Variants in MTERF4 observed in about 807,000 individuals in gnomAD.
The protein encoded by MTERF4 is transcription termination factor 4, mitochondrial.
In MTERF4, 17 loss-of-function variants were observed where a neutral mutation model predicts 22.5. The observed-to-expected ratio is 0.75, with a 90% CI of 0.52 to 1.13. MTERF4 has a LOEUF of 1.13. Ranked by LOEUF, MTERF4 falls within the 50% of genes most tolerant of loss-of-function variation. MTERF4 has a pLI of 0.00. For synonymous variants in MTERF4, 165 were observed against 175.3 expected (o/e 0.94, Z 0.47); for missense variants, 420 against 466.8 (o/e 0.90, Z 0.92).
intron 4 of MTERF4, among the ~76,000 whole-genome samples, chr2:241,078,382 C>CAAAAAAAAAAAA (rs60965517): frequency 8.6e-6 from 1 of 116,178 alleles, no homozygotes; most frequent in Non-Finnish European, 1.8e-5. Context: ...GACTCCGTCT[C>CAAAAAAAAAAAA]AAAAAAAAAA....
Position 241,096,481 on chromosome 2 carries a change from T to C in MTERF4, c.706-43A>G, listed in dbSNP as rs778108608. 1.2e-4 allele frequency: 190 copies of C among 1,593,724 alleles called. No homozygotes were observed. The highest frequency in any genetic ancestry group is 1.7e-4 in the Middle Eastern group (1 of 6,042). ...ACTTAGGAGTCCCAGATACAGAGTA[T>C]TGAAACCTATCATTCTATAAACCAT... is the stretch of plus-strand genomic sequence containing the variant. On this transcript the variant is annotated intron_variant, in intron 3 of 3. Coordinates refer to ENST00000391980, the MANE Select transcript of MTERF4 (RefSeq NM_182501.4). The surrounding 1 kb of genome is among the most constrained non-coding windows in gnomAD (Gnocchi z 5.1).
intron 4 of MTERF4, among the ~76,000 whole-genome samples, chr2:241,079,284 C>T (rs1224580163): frequency 1.3e-5 from 2 of 151,006 alleles, no homozygotes; most frequent in Non-Finnish European, 2.9e-5. Flanking sequence ...CAGTGGCAGG[C>T]GCCTGTAGTC....
chr2:241,084,739 T>C (rs1402035522), downstream of MTERF4, among the ~76,000 whole-genome samples: 2 of 152,224 alleles, frequency 1.3e-5, no homozygotes, highest in South Asian at 2.1e-4. Flanking sequence ...TTTTTGTAGA[T>C]CTAGGATTCC....
At chr2:241,071,714 C>G (rs534077572), downstream of MTERF4, 12 of 1,501,152 alleles carry the variant, frequency 8.0e-6, no homozygotes, top group Middle Eastern at 2.1e-4. Flanking sequence ...CCCACCCAGC[C>G]CCCCAGGTAC....
chr2:241,066,178 T>C, the MTERF4 span, among the ~76,000 whole-genome samples: 1 of 152,126 alleles, frequency 6.6e-6, no homozygotes, highest in South Asian at 2.1e-4. Context: ...GAGGGGGTCC[T>C]AGGAGGAGCC....
At chr2:241,043,827 A>G in the MTERF4 span, among the ~76,000 whole-genome samples, 22 of 152,244 alleles carry the variant, frequency 1.4e-4, no homozygotes, top group Admixed American at 1.4e-3. Flanking sequence ...GACAATATGT[A>G]AATGAATAGG....
At chr2:241,064,966 C>T in the MTERF4 span, 29 of 1,561,218 alleles carry the variant, frequency 1.9e-5, no homozygotes, top group Admixed American at 8.1e-5. The surrounding 1 kb of genome is among the most constrained non-coding windows in gnomAD (Gnocchi z 7.0). Context: ...AGGTGGGTGG[C>T]GAGGGCGCCT....
rs10171090 is a variant in MTERF4 at position 241,097,354 on chromosome 2, G to A, written c.594C>T (p.Val198=). The A allele has an allele frequency of 3.0e-3, 4,903 of 1,614,214 alleles. 128 individuals carry two copies. The African/African-American group carries it at 0.059, about 19-fold the overall frequency. Residue 198 remains valine, a synonymous_variant, in exon 3 of 4, where the codon GTC becomes GTT. Transcript: ENST00000391980. ...AAAGGCACTTCTCCTTGAGAAGCCT[G>A]ACAGTGTCGTTAATGTCCTGCTGGC... ...TMRQQDINDT[V]RLLKEKCLFT...
At chr2:241,052,268 G>C in the MTERF4 span, 1 of 1,436,652 alleles carries the variant, frequency 7.0e-7, no homozygotes, top group East Asian at 2.3e-5. Flanking sequence ...GCAGGAGGTG[G>C]AGCTGGGTGC....
At chr2:241,049,212 C>A in the MTERF4 span, 2 of 1,086,856 alleles carry the variant, frequency 1.8e-6, no homozygotes, top group Non-Finnish European at 2.7e-6. Flanking sequence ...ATGAGGCAGG[C>A]AGAGGCCAGA....
chr2:241,066,375 C>T, the MTERF4 span, among the ~76,000 whole-genome samples: 7 of 152,098 alleles, frequency 4.6e-5, no homozygotes, highest in African/African-American at 7.2e-5. Context: ...TGGCAGTGGA[C>T]GGACAGGGGC....
the MTERF4 span, chr2:241,064,263 A>T: frequency 1.6e-6 from 1 of 624,762 alleles, no homozygotes; most frequent in African/African-American, 2.0e-5. This position sits in a 1 kb window ranked among gnomAD's most constrained non-coding sequence, Gnocchi z 7.0. Context: ...CCGCCTTGGA[A>T]GTCCCCTTCT....
chr2:241,068,170 G>A (rs867002874), downstream of MTERF4, among the ~76,000 whole-genome samples: 1 of 152,220 alleles, frequency 6.6e-6, no homozygotes, highest in Admixed American at 6.5e-5. The surrounding 1 kb of genome is among the most constrained non-coding windows in gnomAD (Gnocchi z 5.3). Flanking sequence ...CACCTTGGTA[G>A]TGTTTTAAAG....
At chr2:241,100,698 CTTACT>C (rs2064664930) in intron 1 of MTERF4, among the ~76,000 whole-genome samples, 1 of 151,974 alleles carries the variant, frequency 6.6e-6, no homozygotes, top group South Asian at 2.1e-4. Flanking sequence ...TTTTCTCTAG[CTTACT>C]TTAAGAATAC....
chr2:241,099,311 G>A (rs149977848), intron 2 of MTERF4, 85 bp downstream of exon 2: 21,307 of 1,459,296 alleles, frequency 0.015, 192 homozygotes, highest in Non-Finnish European at 0.017. Flanking sequence ...CTGACCTCAA[G>A]TGATCTGCCT....
chr2:241,043,380 C>A, the MTERF4 span, among the ~76,000 whole-genome samples: 1 of 152,150 alleles, frequency 6.6e-6, no homozygotes, highest in Non-Finnish European at 1.5e-5. Flanking sequence ...AAAGAAAAAA[C>A]CATCAACCTA....
the MTERF4 span, among the ~76,000 whole-genome samples, chr2:241,057,380 A>AATATATATATAT: frequency 6.0e-3 from 703 of 117,986 alleles, 15 homozygotes; most frequent in African/African-American, 0.02. Flanking sequence ...TCCATCTCAA[A>AATATATATATAT]ATATATATAT....
chr2:241,099,846 T>C lies in MTERF4; in HGVS notation c.70A>G (p.Arg24Gly), dbSNP rs752218716. The C allele has an allele frequency of 1.9e-6, 3 of 1,613,856 alleles. No individual in the cohort carries two copies. Among genetic ancestry groups the C allele is most frequent in the South Asian group, 1.1e-5 (1 of 91,092 alleles). The part of the protein sequence containing the change: ...LIPLTWACMA[R>G]QTPHLGEQRR... ...TGTTCTCCAAGATGAGGAGTCTGCCTAGCCATACAGGCCCAGGTGAGGGGG... is the reference window on the plus strand; with the variant it reads ...TGTTCTCCAAGATGAGGAGTCTGCCCAGCCATACAGGCCCAGGTGAGGGGG... Residue 24 changes from arginine to glycine, a missense_variant, in exon 2 of 4, where the codon AGG becomes GGG. Arg to Gly is a moderately radical substitution (Grantham distance 125). Transcript: ENST00000391980.
chr2:241,083,435 T>A (rs980881089), downstream of MTERF4, among the ~76,000 whole-genome samples: 1 of 152,142 alleles, frequency 6.6e-6, no homozygotes, highest in Admixed American at 6.5e-5. Flanking sequence ...AGTGACATGT[T>A]CGATTACACT....
Sources: allele counts gnomAD v4.1 joint callset (sites outside exome capture counted in the v4.1 genomes callset), GRCh38; gene constraint gnomAD v4.1.1; non-coding constraint Gnocchi (gnomAD v3.1); transcripts MANE v1.5; gene names NCBI Gene and HGNC (gene_info 2026-07-23, HGNC 2026-07-21).